The following CEP350 variants were observed in gnomAD, a reference collection of about 807,000 sequenced individuals.
The protein encoded by CEP350 is centrosomal protein 350, also known as centrosome-associated protein 350.
A neutral mutation model predicts 331.8 loss-of-function variants in CEP350; 126 were observed. The observed-to-expected ratio is 0.38, with a 90% CI of 0.33 to 0.44. The LOEUF is 0.44. Among genes scored for constraint, CEP350 ranks in the 20% least tolerant of loss-of-function variants. The pLI, the probability that CEP350 is intolerant of heterozygous loss-of-function variation, is 1.00. For missense variants in CEP350, 3,406 were observed against 3,634.6 expected (o/e 0.94, Z 1.62); for synonymous variants, 1,200 against 1,259.5 (o/e 0.95, Z 1.00).
intron 19 of CEP350, 137 bp from the exon 20 acceptor site, chr1:180,042,919 C>G (rs574540379): frequency 3.6e-6 from 3 of 840,370 alleles, no homozygotes; most frequent in Non-Finnish European, 5.6e-6. Flanking sequence ...GACTTGTCCA[C>G]AGTATTTCAT....
intron 11 of CEP350, 95 bp from the exon 12 acceptor site, chr1:180,019,854 G>T: frequency 5.0e-6 from 5 of 997,206 alleles, no homozygotes; most frequent in Non-Finnish European, 5.6e-6. Flanking sequence ...TTTTTTTGTT[G>T]CAGTGCATCC....
intron 33 of CEP350, among the ~76,000 whole-genome samples, chr1:180,091,246 T>C: frequency 6.6e-6 from 1 of 151,930 alleles, no homozygotes. Flanking sequence ...CTCGAACTCT[T>C]GGACTCACGC....
At position 180,037,037 on chromosome 1, in the gene CEP350, G is replaced by C; in HGVS notation, c.4058G>C (p.Arg1353Thr). 1 of 1,605,556 alleles carries C rather than the reference G, an allele frequency of 6.2e-7. No homozygotes were observed. Among genetic ancestry groups the C allele is most frequent in the Admixed American group, 1.7e-5 (1 of 58,766 alleles). ...CAACTGTCAGATGTAGAAAGAGTTA[G>C]AGGCATTTCACTTGCTCAGCAGGAG... Reference protein sequence around the residue: ...VRQLSDVERVRGISLAQQESV... With the variant: ...VRQLSDVERVTGISLAQQESV... The change falls in exon 17 of 38, where the codon AGA becomes ACA. Residue 1353 changes from arginine to threonine, a missense_variant. Physicochemically the swap from Arg to Thr is moderately conservative, Grantham distance 71. Coordinates refer to ENST00000367607, the MANE Select transcript of CEP350 (RefSeq NM_014810.5).
At chr1:180,103,180 C>A (rs1300825618) in intron 37 of CEP350, among the ~76,000 whole-genome samples, 1 of 152,188 alleles carries the variant, frequency 6.6e-6, no homozygotes, top group Non-Finnish European at 1.5e-5. Flanking sequence ...TCTTATTATG[C>A]AAATAGATTT....
intron 2 of CEP350, 83 bp from the exon 3 acceptor site, chr1:179,987,157 G>A: frequency 1.3e-6 from 1 of 747,126 alleles, no homozygotes; most frequent in Non-Finnish European, 2.3e-6. Flanking sequence ...GAGTGCATTT[G>A]GGAGCTTATT....
intron 21 of CEP350, among the ~76,000 whole-genome samples, chr1:180,047,961 A>G (rs1288459510): frequency 2.0e-5 from 3 of 152,294 alleles, no homozygotes; most frequent in Non-Finnish European, 2.9e-5. Context: ...TTTCAAGCTT[A>G]TAGAAAAGTT....
At chr1:180,014,541 A>G in intron 10 of CEP350, 36 bp downstream of exon 10, 2 of 1,524,680 alleles carry the variant, frequency 1.3e-6, no homozygotes, top group African/African-American at 1.4e-5. Context: ...AGAGTCATTC[A>G]TGGTTAGGAA....
Position 180,094,436 on chromosome 1 carries a change from G to C in CEP350, c.8331G>C (p.Arg2777Ser), listed in dbSNP as rs746454317. ...AACTACAACAAATCAAAAAAACCAG[G>C]GATGAGAAAATCCAGCTTAGCAATC... ...VNQLQQIKKT[R>S]DEKIQLSNQE... Residue 2777 changes from arginine (R) to serine (S), a missense_variant, in exon 34 of 38, where the codon AGG becomes AGC. Arg to Ser is a moderately radical substitution (Grantham distance 110). Around this residue, in one of 5 missense-constraint regions of CEP350, gnomAD observed 1,415 missense variants for 1,512.3 expected, o/e 0.94. Transcript: ENST00000367607. The C allele has an allele frequency of 7.4e-6, 12 of 1,613,652 alleles. No individual in the cohort carries two copies. Among genetic ancestry groups the C allele is most frequent in the Non-Finnish European group, 1.0e-5 (12 of 1,179,754 alleles).
intron 37 of CEP350, among the ~76,000 whole-genome samples, chr1:180,110,534 T>C (rs1661414347): frequency 6.6e-6 from 1 of 152,238 alleles, no homozygotes; most frequent in Non-Finnish European, 1.5e-5. Flanking sequence ...CTAAGCTATA[T>C]GTTCAGTAAG....
chr1:179,989,152 A>C (rs1369260188), intron 3 of CEP350, among the ~76,000 whole-genome samples: 1 of 152,024 alleles, frequency 6.6e-6, no homozygotes, highest in East Asian at 1.9e-4. Flanking sequence ...ATACATTGGG[A>C]TGCAAAAATC....
intron 1 of CEP350, among the ~76,000 whole-genome samples, chr1:179,974,304 T>C (rs1213838745): frequency 6.6e-6 from 1 of 152,120 alleles, no homozygotes; most frequent in Non-Finnish European, 1.5e-5. Context: ...ATGGTCTCGA[T>C]CTCCTGACCT....
At chr1:180,010,987 C>T (rs1571863174) in intron 8 of CEP350, among the ~76,000 whole-genome samples, 1 of 150,812 alleles carries the variant, frequency 6.6e-6, no homozygotes, top group Non-Finnish European at 1.5e-5. Context: ...TGTAAACAGT[C>T]TTTTTTTTTC....
intron 37 of CEP350, among the ~76,000 whole-genome samples, chr1:180,104,833 C>T (rs1017685070): frequency 5.9e-5 from 9 of 151,972 alleles, no homozygotes; most frequent in African/African-American, 1.5e-4. Flanking sequence ...AGTTTTAATC[C>T]GCCACCTGAT....
At chr1:180,062,502 G>T in intron 26 of CEP350, 136 bp downstream of exon 26, 1 of 1,165,976 alleles carries the variant, frequency 8.6e-7, no homozygotes, top group Non-Finnish European at 1.1e-6. Flanking sequence ...CTATGGATGG[G>T]CCAGTCTTAG....
At chr1:180,036,798 T>C in intron 16 of CEP350, 128 bp from the exon 17 acceptor site, 2 of 959,570 alleles carry the variant, frequency 2.1e-6, no homozygotes, top group Non-Finnish European at 3.0e-6. Flanking sequence ...CAAGGTATTC[T>C]GTACTGAGTC....
intron 1 of CEP350, among the ~76,000 whole-genome samples, chr1:179,978,422 A>C (rs1450422557): frequency 1.3e-5 from 2 of 152,140 alleles, no homozygotes; most frequent in Non-Finnish European, 2.9e-5. Context: ...GTCAACTTGA[A>C]AATATGCAAT....
intron 25 of CEP350, among the ~76,000 whole-genome samples, chr1:180,061,186 C>CTG (rs1553261257): frequency 6.6e-6 from 1 of 150,548 alleles, no homozygotes; most frequent in Non-Finnish European, 1.5e-5. Flanking sequence ...GATAAGAAAA[C>CTG]ATTGATTGAT....
At chr1:179,958,001 C>T (rs993077013) in intron 1 of CEP350, among the ~76,000 whole-genome samples, 11 of 152,098 alleles carry the variant, frequency 7.2e-5, no homozygotes, top group Admixed American at 2.0e-4. Flanking sequence ...TGTATAGGGG[C>T]GATATCTCAT....
At chr1:180,023,202 G>A (rs113122312) in intron 13 of CEP350, among the ~76,000 whole-genome samples, 2,344 of 152,160 alleles carry the variant, frequency 0.015, 72 homozygotes, top group African/African-American at 0.051. Flanking sequence ...AACCTGGGAG[G>A]TGGAAGTTGC....
Sources: allele counts gnomAD v4.1 joint callset (sites outside exome capture counted in the v4.1 genomes callset), GRCh38; gene constraint gnomAD v4.1.1; regional missense constraint gnomAD v4.1.1; transcripts MANE v1.5; gene names NCBI Gene and HGNC (gene_info 2026-07-23, HGNC 2026-07-21).